The following NPAS3 variants were observed in gnomAD, a reference collection of about 807,000 sequenced individuals.
The protein encoded by NPAS3 is neuronal PAS domain protein 3, also known as neuronal PAS domain-containing protein 3.
A neutral mutation model predicts 73.1 loss-of-function variants in NPAS3; 14 were observed. The ratio of observed to expected loss-of-function variants is 0.19; its 90% confidence interval spans 0.13 to 0.30. The LOEUF (loss-of-function observed/expected upper bound fraction) is 0.30. Ranked by LOEUF, NPAS3 falls within the 10% of genes least tolerant of loss-of-function variation. The pLI, the probability that NPAS3 is intolerant of heterozygous loss-of-function variation, is 1.00. For missense variants in NPAS3, 1,096 were observed against 1,250.0 expected (o/e 0.88, Z 1.86); for synonymous variants, 620 against 541.5 (o/e 1.14, Z -2.01).
intron 2 of NPAS3, among the ~76,000 whole-genome samples, chr14:33,103,995 G>T (rs1381834456): frequency 1.3e-5 from 2 of 152,068 alleles, no homozygotes; most frequent in Non-Finnish European, 2.9e-5. Flanking sequence ...TTGACAAAAA[G>T]AGCTCACGTT....
intron 2 of NPAS3, among the ~76,000 whole-genome samples, chr14:33,082,535 GA>G (rs1250195535): frequency 1.3e-5 from 2 of 152,152 alleles, no homozygotes; most frequent in Non-Finnish European, 2.9e-5. Context: ...CCCTTCTTGT[GA>G]ATTTTATGTT....
At chr14:33,554,367 G>A (rs779474169) in intron 4 of NPAS3, among the ~76,000 whole-genome samples, 4 of 152,300 alleles carry the variant, frequency 2.6e-5, no homozygotes, top group African/African-American at 9.6e-5. Flanking sequence ...ACTCTATCAC[G>A]TATGGGCATT....
intron 3 of NPAS3, among the ~76,000 whole-genome samples, chr14:33,329,539 A>G (rs190758781): frequency 6.6e-6 from 1 of 152,226 alleles, no homozygotes; most frequent in East Asian, 1.9e-4. Flanking sequence ...TCAGGTGAAA[A>G]CTAACTTGGT....
chr14:33,308,525 TATACATACACACAC>T (rs2042855159), intron 3 of NPAS3, among the ~76,000 whole-genome samples: 5 of 82,480 alleles, frequency 6.1e-5, no homozygotes, highest in African/African-American at 2.5e-4. Flanking sequence ...TATATATATA[TATACATACACACAC>T]ACACACACAC....
At chr14:33,178,327 C>A (rs1184706152) in intron 2 of NPAS3, among the ~76,000 whole-genome samples, 1 of 152,066 alleles carries the variant, frequency 6.6e-6, no homozygotes. Context: ...CCTGCCTCGG[C>A]CTCCCAAAAT....
chr14:33,197,237 CTG>C (rs11268151), intron 2 of NPAS3, among the ~76,000 whole-genome samples: 125 of 135,290 alleles, frequency 9.2e-4, no homozygotes, highest in East Asian at 2.4e-3. Context: ...CTCCAGCAGG[CTG>C]TGTGTGTGTG....
chr14:33,728,620 C>T (rs899772685), intron 6 of NPAS3, among the ~76,000 whole-genome samples: 2 of 152,166 alleles, frequency 1.3e-5, no homozygotes, highest in Admixed American at 6.5e-5. Context: ...CACTGCCTCG[C>T]CACCAGTAGT....
At position 33,325,295 on chromosome 14, in the gene NPAS3, G is replaced by A. The variant is rs367786888; in HGVS notation, c.386-41891G>A. ...GAAAATGGGGTATCTGTCCTCTCAA[G>A]CATTTATCATTTGTGTTACAAACAA... On this transcript the variant is annotated intron_variant, in intron 3 of 11. Transcript: ENST00000356141. Among the ~76,000 whole-genome samples, 6 of 152,112 alleles carry A rather than the reference G, an allele frequency of 3.9e-5. 1 individual carries two copies. In the East Asian group the frequency reaches 9.7e-4, roughly 24 times the overall value.
rs1555311721 is a variant in NPAS3, at chr14:32,967,770, G to GC, written c.50+28404_50+28405insC. On this transcript the variant is annotated intron_variant, in intron 1 of 11. Transcript: ENST00000356141. ...GTACAGCCATTATGGACAACAGCAT[G>GC]TGGGGGGGGGTCCTAAAAAATAAAA... Among the ~76,000 whole-genome samples, 618 of 115,914 alleles carry GC rather than the reference G, an allele frequency of 5.3e-3. 2 individuals carry two copies. Among genetic ancestry groups the GC allele is most frequent in the African/African-American group, 0.017 (599 of 35,610 alleles). 76.0% of individuals were successfully genotyped at this position (115,914 alleles called of 152,430 possible).
chr14:33,280,161 G>T (rs562492949), intron 3 of NPAS3, among the ~76,000 whole-genome samples: 2 of 152,154 alleles, frequency 1.3e-5, no homozygotes, highest in South Asian at 2.1e-4. Flanking sequence ...CCTGTCCAGG[G>T]ACCAGTACCT....
At chr14:33,449,255 A>T (rs2049673549) in intron 4 of NPAS3, among the ~76,000 whole-genome samples, 1 of 152,166 alleles carries the variant, frequency 6.6e-6, no homozygotes, top group African/African-American at 2.4e-5. Context: ...ATATTTTAGG[A>T]GTTATCTGGG....
chr14:33,706,325 A>G (rs1278429466), intron 6 of NPAS3, among the ~76,000 whole-genome samples: 1 of 152,242 alleles, frequency 6.6e-6, no homozygotes, highest in Non-Finnish European at 1.5e-5. Flanking sequence ...CCAAAGATTT[A>G]TCTTTAGAAT....
At chr14:33,499,854 T>G (rs1281510708) in intron 4 of NPAS3, among the ~76,000 whole-genome samples, 2 of 151,958 alleles carry the variant, frequency 1.3e-5, no homozygotes, top group Non-Finnish European at 2.9e-5. Context: ...ACTGTTTATC[T>G]CTGGCAGCCT....
At chr14:33,637,659 G>GTTCT (rs1221614168) in intron 5 of NPAS3, among the ~76,000 whole-genome samples, 1 of 152,026 alleles carries the variant, frequency 6.6e-6, no homozygotes, top group Non-Finnish European at 1.5e-5. Context: ...TTATTTGTAG[G>GTTCT]TTCTTACAAC....
intron 2 of NPAS3, among the ~76,000 whole-genome samples, chr14:33,089,331 C>T (rs2042144230): frequency 6.6e-6 from 1 of 152,160 alleles, no homozygotes; most frequent in African/African-American, 2.4e-5. Context: ...AACACCATGG[C>T]ACAAGAACTA....
chr14:33,130,644 TG>T (rs533886511), intron 2 of NPAS3, among the ~76,000 whole-genome samples: 3 of 152,250 alleles, frequency 2.0e-5, no homozygotes, highest in African/African-American at 7.2e-5. Context: ...AACAAGTGAA[TG>T]GGGGAAATGC....
chr14:33,511,949 G>A (rs1308301255), intron 4 of NPAS3, among the ~76,000 whole-genome samples: 4 of 152,064 alleles, frequency 2.6e-5, no homozygotes, highest in Admixed American at 6.6e-5. Context: ...ATTCCTTTAG[G>A]TCTAGGATGT....
chr14:33,675,699 A>T (rs956133935), intron 5 of NPAS3, among the ~76,000 whole-genome samples: 4 of 152,204 alleles, frequency 2.6e-5, no homozygotes, highest in Non-Finnish European at 4.4e-5. Flanking sequence ...AGCCCTTCTT[A>T]CATTTAAATT....
At chr14:33,186,433 C>T (rs1315909206) in intron 2 of NPAS3, among the ~76,000 whole-genome samples, 6 of 152,160 alleles carry the variant, frequency 3.9e-5, no homozygotes, top group African/African-American at 9.7e-5. Flanking sequence ...ACTCAATTAT[C>T]GTCTCTGTGC....
Sources: allele counts gnomAD v4.1 joint callset (sites outside exome capture counted in the v4.1 genomes callset), GRCh38; gene constraint gnomAD v4.1.1; transcripts MANE v1.5; gene names NCBI Gene and HGNC (gene_info 2026-07-23, HGNC 2026-07-21).